Variants in DNAH11 observed in about 807,000 individuals in gnomAD.
DNAH11 encodes the protein axonemal beta dynein heavy chain 11.
Under a neutral mutation model 526.0 loss-of-function variants are expected in DNAH11, and 442 were observed. The observed-to-expected ratio is 0.84, with a 90% CI of 0.78 to 0.91. The LOEUF is 0.91. DNAH11 is among the 40% of genes least tolerant of loss of function. DNAH11 has a pLI of 0.00. For missense variants in DNAH11, 6,989 were observed against 5,448.7 expected (o/e 1.28, Z -8.90); for synonymous variants, 2,461 against 1,935.9 (o/e 1.27, Z -7.12).
chr7:21,556,799 C>T (rs1233228141), intron 2 of DNAH11, among the ~76,000 whole-genome samples: 1 of 152,148 alleles, frequency 6.6e-6, no homozygotes, highest in Non-Finnish European at 1.5e-5. Context: ...CGGTGGCTCG[C>T]ACCTGTAGTC....
At chr7:21,855,125 G>A (rs927170765) in intron 68 of DNAH11, among the ~76,000 whole-genome samples, 12 of 147,522 alleles carry the variant, frequency 8.1e-5, no homozygotes, top group Non-Finnish European at 1.5e-4. Context: ...TCCACCTTCC[G>A]GGTTCACTCC....
chr7:21,716,724 G>T (rs556917691), intron 42 of DNAH11, among the ~76,000 whole-genome samples: 4 of 152,100 alleles, frequency 2.6e-5, no homozygotes. Context: ...TCCCACTGTC[G>T]CTACCACACA....
rs372067501 is a variant in DNAH11 at position 21,705,080 on chromosome 7, A to C, written c.6469-380A>C. 5.3e-5 allele frequency among the ~76,000 whole-genome samples: 8 copies of C among 152,242 alleles called. No individual in the cohort carries two copies. The East Asian group carries it at 7.7e-4, about 15-fold the overall frequency. On this transcript the variant is annotated intron_variant, in intron 38 of 81. Coordinates refer to ENST00000409508, the MANE Select transcript of DNAH11 (RefSeq NM_001277115.2). ...TTTTCAATTTGAATTCAGTGAATGC[A>C]TGGATATTGAACACTATATACATTA...
intron 65 of DNAH11, among the ~76,000 whole-genome samples, chr7:21,824,078 C>T (rs527701982): frequency 6.6e-6 from 1 of 152,252 alleles, no homozygotes; most frequent in African/African-American, 2.4e-5. Flanking sequence ...CAAACAATTG[C>T]TAAACTGAGA....
intron 25 of DNAH11, among the ~76,000 whole-genome samples, chr7:21,622,184 CAGAG>C (rs944931979): frequency 2.6e-5 from 4 of 152,110 alleles, no homozygotes; most frequent in South Asian, 4.1e-4. Context: ...AACAGACAAA[CAGAG>C]AGCCAAATCC....
At position 21,570,250 on chromosome 7, in the gene DNAH11, T is replaced by C. The variant is rs1272115389; in HGVS notation, c.1376T>C (p.Leu459Pro). Reference protein sequence around the residue: ...KLRPWDFQSHLVFCRFDKFLD... With the variant: ...KLRPWDFQSHPVFCRFDKFLD... The stretch of plus-strand genomic sequence containing the variant: ...AGACCATGGGATTTCCAGTCTCATC[T>C]GGTGTTTTGCAGATTTGACAAGTTT... The change falls in exon 7 of 82, where the codon CTG becomes CCG. Residue 459 changes from leucine to proline, a missense_variant. Transcript: ENST00000409508. The C allele has an allele frequency of 6.2e-7, 1 of 1,612,434 alleles. No individual in the cohort carries two copies. The highest frequency in any genetic ancestry group is 1.7e-5 in the Admixed American group (1 of 59,852).
chr7:21,866,447 C>G, intron 70 of DNAH11, 23 bp from the exon 71 acceptor site: 1 of 1,594,970 alleles, frequency 6.3e-7, no homozygotes, highest in African/African-American at 1.4e-5. Flanking sequence ...ACCATTCCTA[C>G]TTGTTTCCCT....
At position 21,725,042 on chromosome 7, in the gene DNAH11, TTTTC is replaced by T. The variant is rs771812902; in HGVS notation, c.7267-765_7267-762del. On this transcript the variant is annotated intron_variant, in intron 44 of 81. Transcript: ENST00000409508. ...TTCTAGTTGTTGCTCACAGTTGTCC[TTTTC>T]TTTATTTTCCAACCCTAATCTAGCA... 3.7e-4 allele frequency among the ~76,000 whole-genome samples: 29 copies of T among 79,242 alleles called. 1 individual carries two copies. The highest frequency in any genetic ancestry group is 2.6e-5 in the Non-Finnish European group (1 of 37,754). The allele number at this position is 79,242 out of a possible 152,430, so 52.0% of individuals were successfully genotyped here.
chr7:21,627,976 T>C (rs569689863), intron 25 of DNAH11, among the ~76,000 whole-genome samples: 43 of 152,260 alleles, frequency 2.8e-4, no homozygotes, highest in African/African-American at 1.0e-3. Flanking sequence ...GTTTCTCATA[T>C]AGAAACTTTC....
At chr7:21,832,537 T>G (rs1334434031) in intron 65 of DNAH11, among the ~76,000 whole-genome samples, 1 of 152,204 alleles carries the variant, frequency 6.6e-6, no homozygotes, top group African/African-American at 2.4e-5. Flanking sequence ...AGCACACTGA[T>G]GGATCTTGAC....
intron 65 of DNAH11, among the ~76,000 whole-genome samples, chr7:21,835,842 A>T (rs1781973977): frequency 6.7e-6 from 1 of 150,026 alleles, no homozygotes; most frequent in Non-Finnish European, 1.5e-5. Flanking sequence ...ACATGATTGT[A>T]TATATAGAAA....
chr7:21,630,019 A>C (rs1285147462), intron 25 of DNAH11, among the ~76,000 whole-genome samples: 2 of 151,908 alleles, frequency 1.3e-5, no homozygotes. Flanking sequence ...CTTTATTGTT[A>C]AGTGATTTTC....
chr7:21,639,718 T>C (rs1469389619), intron 28 of DNAH11, among the ~76,000 whole-genome samples: 1 of 152,202 alleles, frequency 6.6e-6, no homozygotes, highest in Non-Finnish European at 1.5e-5. Context: ...TAAGAGAATG[T>C]TGCCTTTCAT....
chr7:21,849,306 A>G (rs1219879505), intron 66 of DNAH11, among the ~76,000 whole-genome samples: 2 of 152,198 alleles, frequency 1.3e-5, no homozygotes, highest in African/African-American at 2.4e-5. Context: ...TCGTTTATCC[A>G]TAAGTTATAA....
chr7:21,776,512 C>T (rs1395910549), intron 56 of DNAH11, among the ~76,000 whole-genome samples: 1 of 152,156 alleles, frequency 6.6e-6, no homozygotes, highest in East Asian at 1.9e-4. Context: ...CATTTGAAAA[C>T]ATTAGCAATG....
At chr7:21,857,272 GGTTTGTATTCTAAAAACT>G (rs1163134200) in intron 68 of DNAH11, among the ~76,000 whole-genome samples, 12 of 152,028 alleles carry the variant, frequency 7.9e-5, no homozygotes, top group Non-Finnish European at 1.5e-4. Flanking sequence ...ATATATGCAA[GGTTTGTATTCTAAAAACT>G]CCAAAATATT....
chr7:21,788,860 G>A (rs1398120825), intron 60 of DNAH11, among the ~76,000 whole-genome samples: 3 of 152,324 alleles, frequency 2.0e-5, no homozygotes, highest in East Asian at 1.9e-4. Flanking sequence ...TATCTTAATG[G>A]TGTTTGACTT....
intron 30 of DNAH11, among the ~76,000 whole-genome samples, chr7:21,674,059 T>TGTGA (rs140450614): frequency 7.2e-6 from 1 of 138,084 alleles, no homozygotes; most frequent in Non-Finnish European, 1.6e-5. Flanking sequence ...TGTGTGTGTG[T>TGTGA]GTGAGTTTTG....
intron 76 of DNAH11, among the ~76,000 whole-genome samples, chr7:21,891,197 A>G (rs930112596): frequency 6.6e-6 from 1 of 152,226 alleles, no homozygotes; most frequent in Non-Finnish European, 1.5e-5. Context: ...ATATTACTGA[A>G]TGAATTAAAG....
Sources: gnomAD v4.1 joint callset for allele counts (sites outside exome capture counted in the v4.1 genomes callset) on GRCh38, gnomAD v4.1.1 for gene constraint, MANE v1.5 for transcripts, NCBI Gene and HGNC (gene_info 2026-07-23, HGNC 2026-07-21) for gene names.